SNX30: variants seen among roughly 807,000 people sequenced by gnomAD.
The protein encoded by SNX30 is sorting nexin-30.
SNX30 carries 24 observed loss-of-function variants against 46.4 expected under a neutral mutation model. That is an observed-to-expected ratio of 0.52 (90% CI 0.37 to 0.73). The LOEUF is 0.73. SNX30 is among the 30% of genes least tolerant of loss of function. The pLI, the probability that SNX30 is intolerant of heterozygous loss-of-function variation, is 0.00. For synonymous variants in SNX30, 189 were observed against 211.5 expected (o/e 0.89, Z 0.92); for missense variants, 533 against 555.7 (o/e 0.96, Z 0.41).
intron 7 of SNX30, among the ~76,000 whole-genome samples, chr9:112,856,046 C>T (rs756864462): frequency 2.0e-5 from 3 of 152,124 alleles, no homozygotes; most frequent in Admixed American, 6.5e-5. Flanking sequence ...CTGTCTTCTG[C>T]GTTGGACTCT....
chr9:112,832,837 T>TATA (rs1840689290), intron 4 of SNX30, among the ~76,000 whole-genome samples: 1 of 146,572 alleles, frequency 6.8e-6, no homozygotes, highest in Admixed American at 6.9e-5. Context: ...ATAATAAATA[T>TATA]ATTAATATAT....
intron 1 of SNX30, among the ~76,000 whole-genome samples, chr9:112,786,593 A>C (rs540290905): frequency 6.6e-6 from 1 of 152,080 alleles, no homozygotes; most frequent in East Asian, 1.9e-4. Context: ...CTGGACTCAG[A>C]ATGCCCATGT....
chr9:112,797,991 C>A (rs995579993), intron 1 of SNX30, among the ~76,000 whole-genome samples: 8 of 150,172 alleles, frequency 5.3e-5, no homozygotes, highest in African/African-American at 2.0e-4. Flanking sequence ...TAATTACAGG[C>A]GTGAGGCACT....
intron 1 of SNX30, among the ~76,000 whole-genome samples, chr9:112,771,074 C>G (rs787288): frequency 0.76 from 115,568 of 152,110 alleles, 44,414 homozygotes; most frequent in South Asian, 0.86. Flanking sequence ...CCCCCTTTAC[C>G]TGGCTTTAAT....
intron 1 of SNX30, among the ~76,000 whole-genome samples, chr9:112,761,243 A>ACCT (rs1564259194): frequency 6.6e-6 from 1 of 151,930 alleles, no homozygotes; most frequent in East Asian, 1.9e-4. Context: ...ACTCACTGCA[A>ACCT]CCTCCGTCTC....
chr9:112,777,315 T>C (rs1839762084), intron 1 of SNX30, among the ~76,000 whole-genome samples: 1 of 152,180 alleles, frequency 6.6e-6, no homozygotes, highest in Non-Finnish European at 1.5e-5. Context: ...CCCGTCACCA[T>C]TGTGGACTCA....
rs529144642 is a variant in SNX30 at position 112,870,178 on chromosome 9, T to A, written c.*1335T>A. 1 of 152,358 alleles carries A rather than the reference T, an allele frequency of 6.6e-6. No homozygotes were observed. The highest frequency in any genetic ancestry group is 1.9e-4 in the East Asian group (1 of 5,194). The allele number at this position is 152,358 out of a possible 1,614,324, so 9.4% of individuals were successfully genotyped here. On this transcript the variant is annotated 3_prime_UTR_variant, in exon 9 of 9. Transcript: ENST00000374232. ...GGATCTGTCTTCCAACTCTTTTTTT[T>A]TTCTGCTGAAATGAAGCTACATGTC...
intron 8 of SNX30, among the ~76,000 whole-genome samples, chr9:112,867,255 C>G (rs935091454): frequency 2.1e-5 from 3 of 145,872 alleles, no homozygotes; most frequent in Non-Finnish European, 3.0e-5. Context: ...GATTTTTCCT[C>G]CCTCCTCAGA....
chr9:112,836,540 G>T (rs1316741604), intron 5 of SNX30, 131 bp downstream of exon 5: 1 of 974,632 alleles, frequency 1.0e-6, no homozygotes, highest in East Asian at 2.6e-5. Flanking sequence ...GCTTATCAAA[G>T]AAATACAAGG....
Position 112,809,146 on chromosome 9 carries a change from G to A in SNX30, c.348+4179G>A, listed in dbSNP as rs189917440. Among the ~76,000 whole-genome samples the A allele has an allele frequency of 7.5e-4, 114 of 151,322 alleles. No homozygotes were observed. In the South Asian group the frequency reaches 9.0e-3, roughly 12 times the overall value. The stretch of plus-strand genomic sequence containing the variant: ...CTGTTGCCCAGGCTGGAGTGCAGTG[G>A]TATGACCTCAGCTCACTGCGGCCTC... On this transcript the variant is annotated intron_variant, in intron 2 of 8. Transcript: ENST00000374232.
intron 6 of SNX30, among the ~76,000 whole-genome samples, chr9:112,842,041 T>C (rs895742216): frequency 6.6e-6 from 1 of 152,178 alleles, no homozygotes; most frequent in African/African-American, 2.4e-5. Flanking sequence ...CCTCCCGGGT[T>C]CAAGTGATTC....
chr9:112,841,161 T>C (rs988957142), intron 6 of SNX30, among the ~76,000 whole-genome samples: 4 of 152,238 alleles, frequency 2.6e-5, no homozygotes, highest in African/African-American at 9.6e-5. Context: ...CTCTTAACCT[T>C]GCCAGATGAA....
intron 6 of SNX30, among the ~76,000 whole-genome samples, chr9:112,840,610 C>T (rs1033618144): frequency 1.1e-4 from 16 of 150,962 alleles, no homozygotes; most frequent in Admixed American, 1.3e-4. Flanking sequence ...CTCAGCCTCC[C>T]GAGTAGCTGG....
At chr9:112,868,292 A>G (rs1376164961) in intron 8 of SNX30, among the ~76,000 whole-genome samples, 2 of 152,182 alleles carry the variant, frequency 1.3e-5, no homozygotes, top group East Asian at 3.9e-4. Flanking sequence ...TGTGGCCCAA[A>G]CAAGCAAACT....
chr9:112,751,943 C>T (rs1003479787), intron 1 of SNX30, among the ~76,000 whole-genome samples: 3 of 152,140 alleles, frequency 2.0e-5, no homozygotes, highest in African/African-American at 7.2e-5. Context: ...TCCCTACCCC[C>T]ATGGCCATTT....
chr9:112,811,716 G>C (rs1840323209), intron 2 of SNX30, among the ~76,000 whole-genome samples: 1 of 152,122 alleles, frequency 6.6e-6, no homozygotes, highest in African/African-American at 2.4e-5. Flanking sequence ...GTGCGCCCGT[G>C]ACCTTGTGAT....
chr9:112,824,824 C>G (rs886933902), intron 3 of SNX30, among the ~76,000 whole-genome samples: 6 of 152,194 alleles, frequency 3.9e-5, no homozygotes, highest in African/African-American at 1.4e-4. Context: ...CCATATTACA[C>G]ATCACCATTT....
In SNX30 at chr9:112,839,558, G is replaced by A. The variant is rs528533626; in HGVS notation, c.1014+861G>A. ...GAGGAAATGCGCCAGTGCCCACACT[G>A]GAAACTTCCCCGGCCTGCACATAGA... On this transcript the variant is annotated intron_variant, in intron 6 of 8. Transcript: ENST00000374232. Among the ~76,000 whole-genome samples the A allele has an allele frequency of 2.8e-3, 419 of 152,294 alleles. 1 individual carries two copies. The highest frequency in any genetic ancestry group is 9.4e-3 in the African/African-American group (392 of 41,564).
intron 2 of SNX30, among the ~76,000 whole-genome samples, chr9:112,814,913 A>G (rs1019837929): frequency 1.3e-5 from 2 of 152,228 alleles, no homozygotes; most frequent in African/African-American, 4.8e-5. Flanking sequence ...TGGTTTAATT[A>G]TCGTGTAACC....
Sources: gnomAD v4.1 joint callset for allele counts (sites outside exome capture counted in the v4.1 genomes callset) on GRCh38, gnomAD v4.1.1 for gene constraint, MANE v1.5 for transcripts, NCBI Gene and HGNC (gene_info 2026-07-23, HGNC 2026-07-21) for gene names.